Variants in MAD1L1 observed in about 807,000 individuals in gnomAD.
The protein encoded by MAD1L1 is mitotic arrest deficient 1 like 1.
MAD1L1 carries 95 observed loss-of-function variants against 96.9 expected under a neutral mutation model. The ratio of observed to expected loss-of-function variants is 0.98; its 90% CI spans 0.83 to 1.16. The LOEUF (loss-of-function observed/expected upper bound fraction) is 1.16, where lower values mean the gene tolerates loss of function less well. Among genes scored for constraint, MAD1L1 ranks in the 50% most tolerant of loss-of-function variants. The probability of loss-of-function intolerance (pLI) is 0.00; values close to 1 mark genes in which losing one functional copy is unlikely to be tolerated. For synonymous variants in MAD1L1, 473 were observed against 396.6 expected, an observed-to-expected ratio of 1.19 and a Z score of -2.29; for missense variants, 1,007 against 954.4, an observed-to-expected ratio of 1.06 and a Z score of -0.73.
chr7:2,181,147 C>G (rs1451440826), intron 10 of MAD1L1, among the ~76,000 whole-genome samples: 5 of 152,182 alleles, frequency 3.3e-5, no homozygotes, highest in Admixed American at 6.5e-5. Context: ...CTTATAGTTT[C>G]TTTTTATTGA....
chr7:2,078,342 C>T (rs1233485421), intron 11 of MAD1L1, among the ~76,000 whole-genome samples: 1 of 152,222 alleles, frequency 6.6e-6, no homozygotes, highest in East Asian at 1.9e-4. Context: ...TTGGATGGAA[C>T]TGAGGCCACC....
intron 4 of MAD1L1, among the ~76,000 whole-genome samples, chr7:2,225,105 A>G (rs1309118289): frequency 6.6e-6 from 1 of 152,208 alleles, no homozygotes; most frequent in Non-Finnish European, 1.5e-5. Flanking sequence ...TAGGACATCA[A>G]GCATAACTGA....
chr7:2,015,915 C>T (rs1016594909), intron 12 of MAD1L1, among the ~76,000 whole-genome samples: 3 of 152,234 alleles, frequency 2.0e-5, no homozygotes, highest in Non-Finnish European at 4.4e-5. Flanking sequence ...CTGAGGGGCT[C>T]TGCCCCATTC....
In MAD1L1 at chr7:2,223,057, G is replaced by A. The variant is rs140547871; in HGVS notation, c.292-303C>T. ...TCAGCAGTTGCCTCTGCAGGGAGAG[G>A]GGGCATGGGAAATCTAAAATTCAGC... On this transcript the variant is annotated intron_variant, in intron 4 of 18. Transcript: ENST00000265854. Among the ~76,000 whole-genome samples the A allele has an allele frequency of 2.0e-5, 3 of 152,310 alleles. No homozygotes were observed. In the East Asian group the frequency reaches 5.8e-4, roughly 29 times the overall value.
intron 12 of MAD1L1, among the ~76,000 whole-genome samples, chr7:2,031,224 GCA>G (rs1419345417): frequency 6.6e-6 from 1 of 152,104 alleles, no homozygotes; most frequent in African/African-American, 2.4e-5. Flanking sequence ...GCTGCACCAG[GCA>G]CACAGAGCAC....
chr7:1,829,015 T>C (rs1782569572), intron 18 of MAD1L1, among the ~76,000 whole-genome samples: 1 of 151,190 alleles, frequency 6.6e-6, no homozygotes, highest in Non-Finnish European at 1.5e-5. Flanking sequence ...CCGTCCGAGA[T>C]GAAACAGATG....
intron 18 of MAD1L1, among the ~76,000 whole-genome samples, chr7:1,870,107 G>A (rs1050713837): frequency 1.3e-5 from 2 of 152,172 alleles, no homozygotes; most frequent in South Asian, 2.1e-4. Flanking sequence ...CCCCAGATGC[G>A]AGCCGCTGCC....
At chr7:2,154,033 G>GT (rs959009728) in intron 10 of MAD1L1, among the ~76,000 whole-genome samples, 2 of 152,210 alleles carry the variant, frequency 1.3e-5, no homozygotes, top group African/African-American at 4.8e-5. Flanking sequence ...GCACACGCCT[G>GT]TAATCCCAGC....
intron 12 of MAD1L1, among the ~76,000 whole-genome samples, chr7:2,020,135 T>A (rs929871834): frequency 6.6e-6 from 1 of 152,214 alleles, no homozygotes; most frequent in Non-Finnish European, 1.5e-5. Context: ...CGGCTGGTGC[T>A]GCAAACAGAG....
chr7:2,065,513 G>T (rs375119793), intron 12 of MAD1L1, among the ~76,000 whole-genome samples: 38 of 152,354 alleles, frequency 2.5e-4, no homozygotes, highest in African/African-American at 8.9e-4. Context: ...ACGTGGGAGA[G>T]GGGAATGTGT....
chr7:1,832,173 A>G (rs1782733529), intron 18 of MAD1L1, among the ~76,000 whole-genome samples: 3 of 152,140 alleles, frequency 2.0e-5, no homozygotes, highest in Non-Finnish European at 4.4e-5. Context: ...AGGTCAAAGT[A>G]TCACCATTAA....
At chr7:1,894,824 G>T (rs898523755) in intron 18 of MAD1L1, among the ~76,000 whole-genome samples, 1 of 152,056 alleles carries the variant, frequency 6.6e-6, no homozygotes, top group Non-Finnish European at 1.5e-5. Flanking sequence ...AGAGGGTGGG[G>T]GTTGGGTGAG....
At chr7:1,978,532 C>A (rs946008146) in intron 15 of MAD1L1, among the ~76,000 whole-genome samples, 9 of 152,196 alleles carry the variant, frequency 5.9e-5, no homozygotes, top group Non-Finnish European at 1.3e-4. Flanking sequence ...CACTTTAAAG[C>A]CTCTAGTGCC....
At chr7:1,964,180 G>A (rs928480593) in intron 15 of MAD1L1, among the ~76,000 whole-genome samples, 4 of 152,222 alleles carry the variant, frequency 2.6e-5, no homozygotes, top group African/African-American at 9.6e-5. Flanking sequence ...CCAAGGTGAT[G>A]AGTGACGACA....
chr7:1,824,645 C>T (rs1051674359), intron 18 of MAD1L1, among the ~76,000 whole-genome samples: 5 of 152,150 alleles, frequency 3.3e-5, no homozygotes, highest in Admixed American at 1.3e-4. Flanking sequence ...CCAGGACCCG[C>T]GGGAGAGGAG....
At chr7:2,135,717 G>T (rs1376893693) in intron 11 of MAD1L1, among the ~76,000 whole-genome samples, 3 of 152,172 alleles carry the variant, frequency 2.0e-5, no homozygotes, top group African/African-American at 7.2e-5. Flanking sequence ...ACCTCTCACG[G>T]CCACATATGG....
At chr7:1,953,018 G>A (rs1328098390) in intron 16 of MAD1L1, among the ~76,000 whole-genome samples, 2 of 152,182 alleles carry the variant, frequency 1.3e-5, no homozygotes, top group Non-Finnish European at 2.9e-5. Flanking sequence ...GGCTCCAGGA[G>A]GGAACGCGGC....
chr7:2,196,140 G>A (rs1791973925), intron 10 of MAD1L1, among the ~76,000 whole-genome samples: 2 of 152,226 alleles, frequency 1.3e-5, no homozygotes, highest in Admixed American at 6.5e-5. Context: ...ATGCCCTTGG[G>A]CCAGTCAGCC....
intron 10 of MAD1L1, among the ~76,000 whole-genome samples, chr7:2,151,351 C>T (rs1789559467): frequency 6.6e-6 from 1 of 152,232 alleles, no homozygotes; most frequent in Admixed American, 6.5e-5. Context: ...CGGCAGGCTA[C>T]AGGCTCCACC....
Sources: gnomAD v4.1 joint callset for allele counts (sites outside exome capture counted in the v4.1 genomes callset) on GRCh38, gnomAD v4.1.1 for gene constraint, MANE v1.5 for transcripts, NCBI Gene and HGNC (gene_info 2026-07-23, HGNC 2026-07-21) for gene names.